TRPC5: variants seen among roughly 807,000 people sequenced by gnomAD.
TRPC5 encodes the protein short transient receptor potential channel 5.
In TRPC5, 9 loss-of-function variants were observed where a neutral mutation model predicts 56.5. The observed-to-expected ratio is 0.16, with a 90% CI of 0.10 to 0.28. TRPC5 has a LOEUF of 0.28. Among genes scored for constraint, TRPC5 ranks in the 10% least tolerant of loss-of-function variants. The pLI, the probability that TRPC5 is intolerant of heterozygous loss-of-function variation, is 1.00. For synonymous variants in TRPC5, 282 were observed against 278.5 expected (o/e 1.01, Z -0.13); for missense variants, 469 against 748.9 (o/e 0.63, Z 4.36).
intron 1 of TRPC5, among the ~76,000 whole-genome samples, chrX:111,978,281 A>G (rs747946431): frequency 1.1e-3 from 120 of 111,855 alleles, no homozygotes; most frequent in African/African-American, 3.8e-3. Context: ...GCCACTTGTG[A>G]CAACATGGAT....
At chrX:112,025,020 A>G (rs6642976) in intron 1 of TRPC5, among the ~76,000 whole-genome samples, 19,171 of 111,760 alleles carry the variant, frequency 0.17, 1,788 homozygotes, top group African/African-American at 0.36. Flanking sequence ...GCCAAGAATC[A>G]TTTGTTAATC....
intron 3 of TRPC5, among the ~76,000 whole-genome samples, chrX:111,907,486 G>A (rs1183866657): frequency 2.7e-5 from 3 of 109,892 alleles, no homozygotes; most frequent in East Asian, 2.9e-4. Flanking sequence ...TTAGCCAGGC[G>A]TGGTGGTGCA....
At chrX:111,963,061 G>A (rs756220685) in intron 1 of TRPC5, among the ~76,000 whole-genome samples, 2 of 112,407 alleles carry the variant, frequency 1.8e-5, no homozygotes, top group South Asian at 7.4e-4. Flanking sequence ...GGGTCAGGGA[G>A]TTCCCTTTCC....
intron 1 of TRPC5, among the ~76,000 whole-genome samples, chrX:112,006,806 C>T (rs1328177604): frequency 8.9e-6 from 1 of 111,761 alleles, no homozygotes; most frequent in African/African-American, 3.3e-5. Flanking sequence ...GCAATAAACA[C>T]TATGTGTAAG....
intron 3 of TRPC5, among the ~76,000 whole-genome samples, chrX:111,859,540 C>T (rs1174359113): frequency 1.8e-5 from 2 of 111,920 alleles, no homozygotes; most frequent in Non-Finnish European, 3.8e-5. Flanking sequence ...CTTGTTAAAG[C>T]CAAGCCCAGC....
intron 1 of TRPC5, among the ~76,000 whole-genome samples, chrX:112,057,409 T>A (rs1416402938): frequency 8.9e-6 from 1 of 111,937 alleles, no homozygotes; most frequent in Non-Finnish European, 1.9e-5. Context: ...ACAGCACAAT[T>A]AAAGGGATGT....
chrX:111,909,976 T>C (rs949480017), intron 3 of TRPC5, among the ~76,000 whole-genome samples: 1 of 111,693 alleles, frequency 9.0e-6, no homozygotes, highest in African/African-American at 3.3e-5. Context: ...GAAGATCATA[T>C]GAGCAAGTGG....
At chrX:111,925,280 C>A (rs1926227755) in intron 2 of TRPC5, among the ~76,000 whole-genome samples, 1 of 112,158 alleles carries the variant, frequency 8.9e-6, no homozygotes, top group Non-Finnish European at 1.9e-5. Flanking sequence ...GCCTTTCAGC[C>A]CAGATTTCTG....
chrX:111,792,239 T>C (rs1246064979), intron 7 of TRPC5, among the ~76,000 whole-genome samples: 1 of 110,604 alleles, frequency 9.0e-6, no homozygotes, highest in Non-Finnish European at 1.9e-5. Context: ...TTCTCACTCA[T>C]AAGTGGGAGT....
At chrX:111,919,303 G>A (rs1926062543) in intron 2 of TRPC5, among the ~76,000 whole-genome samples, 1 of 111,978 alleles carries the variant, frequency 8.9e-6, no homozygotes, top group African/African-American at 3.3e-5. Context: ...CATAGGTGGG[G>A]ACAAATAAGG....
At position 111,864,047 on chromosome X, in the gene TRPC5, C is replaced by T. The variant is rs767717902; in HGVS notation, c.901-9941G>A. The stretch of plus-strand genomic sequence containing the variant: ...TGTTGCCCAGGCTGGAGTGCAGTGG[C>T]GCGATCTCAGCTCACTGCAAGCTCC... On this transcript the variant is annotated intron_variant, in intron 3 of 10. Coordinates refer to ENST00000262839, the MANE Select transcript of TRPC5 (RefSeq NM_012471.3). Among the ~76,000 whole-genome samples the T allele has an allele frequency of 1.9e-4, 21 of 111,009 alleles. No individual in the cohort carries two copies. The South Asian group carries it at 6.2e-3, about 33-fold the overall frequency.
chrX:112,027,558 G>A (rs1019960966), intron 1 of TRPC5, among the ~76,000 whole-genome samples: 9 of 110,700 alleles, frequency 8.1e-5, no homozygotes, highest in Admixed American at 2.9e-4. Flanking sequence ...GTACAGTGGC[G>A]CGATCTTGGC....
At chrX:112,055,000 G>T (rs1045092417) in intron 1 of TRPC5, among the ~76,000 whole-genome samples, 1 of 111,531 alleles carries the variant, frequency 9.0e-6, no homozygotes, top group Non-Finnish European at 1.9e-5. Flanking sequence ...AGGATCCTAA[G>T]GGAAGCATGG....
At chrX:111,852,271 G>T in intron 5 of TRPC5, 27 bp downstream of exon 5, 1 of 1,198,653 alleles carries the variant, frequency 8.3e-7, no homozygotes, top group East Asian at 3.0e-5. Context: ...TCGCTGTGTA[G>T]GAAATATGGC....
intron 1 of TRPC5, among the ~76,000 whole-genome samples, chrX:112,069,447 G>C (rs767549576): frequency 3.0e-4 from 34 of 111,782 alleles, no homozygotes; most frequent in Non-Finnish European, 6.0e-4. Context: ...CAGGACAAAA[G>C]GTCAGGGTAA....
chrX:112,048,269 C>T (rs978753654), intron 1 of TRPC5, among the ~76,000 whole-genome samples: 2 of 110,350 alleles, frequency 1.8e-5, no homozygotes, highest in Non-Finnish European at 1.9e-5. Flanking sequence ...GGCGTCGTGG[C>T]GTGTGCCTGT....
At chrX:111,782,937 C>G (rs1425523154) in intron 7 of TRPC5, among the ~76,000 whole-genome samples, 2 of 111,030 alleles carry the variant, frequency 1.8e-5, no homozygotes. Flanking sequence ...CTCCAAAGTT[C>G]CCTATTGTTA....
chrX:111,860,434 T>G (rs1923374981), intron 3 of TRPC5, among the ~76,000 whole-genome samples: 1 of 112,625 alleles, frequency 8.9e-6, no homozygotes, highest in Non-Finnish European at 1.9e-5. Context: ...TTTGTTTTGC[T>G]TTATGTTTAT....
intron 1 of TRPC5, among the ~76,000 whole-genome samples, chrX:112,074,162 G>GA (rs1441051875): frequency 9.0e-6 from 1 of 110,600 alleles, no homozygotes; most frequent in Non-Finnish European, 1.9e-5. Flanking sequence ...ACACGTAGAC[G>GA]AATTTGGACC....
Sources: gnomAD v4.1 joint callset for allele counts (sites outside exome capture counted in the v4.1 genomes callset) on GRCh38, gnomAD v4.1.1 for gene constraint, MANE v1.5 for transcripts, NCBI Gene and HGNC (gene_info 2026-07-23, HGNC 2026-07-21) for gene names.